The following PTPRD variants were observed in gnomAD, a reference collection of about 807,000 sequenced individuals.
PTPRD encodes protein tyrosine phosphatase receptor type D.
Under a neutral mutation model 214.5 loss-of-function variants are expected in PTPRD, and 34 were observed. The observed-to-expected ratio is 0.16, with a 90% confidence interval of 0.12 to 0.21. The LOEUF (loss-of-function observed/expected upper bound fraction) is 0.21. PTPRD is among the 10% of genes least tolerant of loss of function. The probability of loss-of-function intolerance (pLI) is 1.00; values close to 1 mark genes in which losing one functional copy is unlikely to be tolerated. For missense variants in PTPRD, 2,545 were observed against 2,398.7 expected (o/e 1.06, Z -1.27); for synonymous variants, 1,128 against 845.7 (o/e 1.33, Z -5.79).
At chr9:9,505,510 A>C (rs1000685223) in intron 8 of PTPRD, among the ~76,000 whole-genome samples, 1 of 151,508 alleles carries the variant, frequency 6.6e-6, no homozygotes, top group Non-Finnish European at 1.5e-5. Context: ...GTATCAGAGA[A>C]ACGTGTAGCT....
intron 10 of PTPRD, among the ~76,000 whole-genome samples, chr9:9,105,401 G>A (rs568242164): frequency 2.6e-5 from 4 of 152,208 alleles, no homozygotes; most frequent in Non-Finnish European, 4.4e-5. Context: ...CTTTTCTTCA[G>A]TGATTCCTTA....
chr9:8,892,623 ATATATATGTGTGTATATATATGTG>A (rs1566865900), intron 11 of PTPRD, among the ~76,000 whole-genome samples: 41 of 144,530 alleles, frequency 2.8e-4, no homozygotes, highest in African/African-American at 1.1e-3. Context: ...ATATATGTGT[ATATATATGTGTGTATATATATGTG>A]TATATATATG....
intron 11 of PTPRD, among the ~76,000 whole-genome samples, chr9:8,737,334 A>T (rs916265463): frequency 6.6e-6 from 1 of 152,196 alleles, no homozygotes; most frequent in African/African-American, 2.4e-5. Context: ...TCCATTCCTT[A>T]TCTTGTTTAT....
At chr9:10,120,478 A>G (rs1261945177) in intron 3 of PTPRD, among the ~76,000 whole-genome samples, 1 of 151,998 alleles carries the variant, frequency 6.6e-6, no homozygotes, top group Non-Finnish European at 1.5e-5. Context: ...CGTCCTCTGA[A>G]AACAGTCTTT....
At chr9:9,508,177 C>A (rs991518034) in intron 8 of PTPRD, among the ~76,000 whole-genome samples, 1 of 151,386 alleles carries the variant, frequency 6.6e-6, no homozygotes, top group African/African-American at 2.4e-5. Flanking sequence ...ATCATATTTC[C>A]AAACTTATAA....
chr9:8,871,802 C>A (rs907493297), intron 11 of PTPRD, among the ~76,000 whole-genome samples: 2 of 151,922 alleles, frequency 1.3e-5, no homozygotes, highest in African/African-American at 4.8e-5. Context: ...AATAGCTTAA[C>A]TTAATTCAAA....
At chr9:10,230,881 G>A (rs777837351) in intron 3 of PTPRD, among the ~76,000 whole-genome samples, 10 of 151,926 alleles carry the variant, frequency 6.6e-5, no homozygotes, top group African/African-American at 1.7e-4. Context: ...TGCTTCTAGC[G>A]TTTAAAGTTT....
chr9:8,661,439 T>C (rs1026063477), intron 12 of PTPRD, among the ~76,000 whole-genome samples: 4 of 152,022 alleles, frequency 2.6e-5, no homozygotes, highest in Non-Finnish European at 4.4e-5. Context: ...GCCTGACATA[T>C]AGAAAAAATG....
At chr9:10,491,190 T>C (rs2040100142) in intron 2 of PTPRD, among the ~76,000 whole-genome samples, 1 of 152,128 alleles carries the variant, frequency 6.6e-6, no homozygotes, top group Admixed American at 6.6e-5. Context: ...CACAAATGAA[T>C]GTTAAAGGTA....
intron 9 of PTPRD, among the ~76,000 whole-genome samples, chr9:9,242,676 T>C (rs1238389000): frequency 3.9e-5 from 6 of 152,222 alleles, no homozygotes; most frequent in Non-Finnish European, 7.3e-5. Flanking sequence ...TCTTGTGCCA[T>C]GGTTTTCAGC....
chr9:8,846,223 G>A (rs925898875), intron 11 of PTPRD, among the ~76,000 whole-genome samples: 6 of 152,110 alleles, frequency 3.9e-5, no homozygotes, highest in African/African-American at 9.7e-5. Flanking sequence ...CAATACCATC[G>A]TAAACTGTAG....
At chr9:9,605,324 C>A (rs1185646190) in intron 7 of PTPRD, among the ~76,000 whole-genome samples, 2 of 152,014 alleles carry the variant, frequency 1.3e-5, no homozygotes, top group Non-Finnish European at 2.9e-5. Context: ...TTTAAAATTT[C>A]CTCAGATATG....
At chr9:8,508,459 T>A (rs1488198567) in intron 21 of PTPRD, among the ~76,000 whole-genome samples, 1 of 152,178 alleles carries the variant, frequency 6.6e-6, no homozygotes, top group African/African-American at 2.4e-5. Flanking sequence ...TGCCTATGCT[T>A]TCCCAATTGT....
intron 7 of PTPRD, among the ~76,000 whole-genome samples, chr9:9,718,564 AC>A (rs1344267642): frequency 5.3e-5 from 8 of 152,142 alleles, no homozygotes; most frequent in African/African-American, 1.7e-4. Context: ...GCTCTCAGAG[AC>A]CCAGGAAGCC....
intron 3 of PTPRD, among the ~76,000 whole-genome samples, chr9:10,286,340 G>C (rs1465341560): frequency 6.6e-6 from 1 of 152,170 alleles, no homozygotes; most frequent in Non-Finnish European, 1.5e-5. Flanking sequence ...TACTCAGGAA[G>C]TTGAGGCAGG....
intron 7 of PTPRD, among the ~76,000 whole-genome samples, chr9:9,720,603 T>A (rs1030973392): frequency 6.6e-6 from 1 of 152,170 alleles, no homozygotes; most frequent in Non-Finnish European, 1.5e-5. Flanking sequence ...CTAAATCCCA[T>A]GCAGGTGACT....
chr9:9,941,809 T>A (rs2091527448), intron 4 of PTPRD, among the ~76,000 whole-genome samples: 1 of 152,168 alleles, frequency 6.6e-6, no homozygotes, highest in African/African-American at 2.4e-5. Context: ...GAAGCCTTGC[T>A]GGAAAATTCA....
chr9:8,618,230 T>C (rs923905669), intron 14 of PTPRD, among the ~76,000 whole-genome samples: 4 of 152,110 alleles, frequency 2.6e-5, no homozygotes, highest in East Asian at 1.9e-4. Flanking sequence ...TTTGGGGCCA[T>C]AGAAAAAGGA....
At chr9:10,135,892 T>C (rs909538625) in intron 3 of PTPRD, among the ~76,000 whole-genome samples, 17 of 150,384 alleles carry the variant, frequency 1.1e-4, no homozygotes, top group Non-Finnish European at 1.6e-4. Context: ...TTAATCTTGA[T>C]GGAAATGATC....
Sources: gnomAD v4.1 joint callset for allele counts (sites outside exome capture counted in the v4.1 genomes callset) on GRCh38, gnomAD v4.1.1 for gene constraint, MANE v1.5 for transcripts, NCBI Gene and HGNC (gene_info 2026-07-23, HGNC 2026-07-21) for gene names.